Variants in CELF2 observed in about 807,000 individuals in gnomAD.
The protein encoded by CELF2 is CUG triplet repeat RNA-binding protein 2.
A neutral mutation model predicts 62.6 loss-of-function variants in CELF2; 8 were observed. That is an observed-to-expected ratio of 0.13 (90% confidence interval 0.07 to 0.23). The LOEUF (loss-of-function observed/expected upper bound fraction) is 0.23. Ranked by LOEUF, CELF2 falls within the 10% of genes least tolerant of loss-of-function variation. The pLI is 1.00. For missense variants in CELF2, 333 were observed against 671.0 expected (o/e 0.50, Z 5.56); for synonymous variants, 258 against 250.0 (o/e 1.03, Z -0.30).
the CELF2 span, among the ~76,000 whole-genome samples, chr10:10,709,683 C>G: frequency 6.6e-6 from 1 of 152,178 alleles, no homozygotes; most frequent in African/African-American, 2.4e-5. Flanking sequence ...TTTCTGATCA[C>G]TGTTTAACAG....
chr10:11,187,900 C>G (rs937396794), intron 2 of CELF2, among the ~76,000 whole-genome samples: 2 of 152,222 alleles, frequency 1.3e-5, no homozygotes, highest in Admixed American at 1.3e-4. Context: ...AAAACTATCT[C>G]GCCTGTTTAT....
At chr10:10,463,987 T>C in the CELF2 span, among the ~76,000 whole-genome samples, 1 of 152,032 alleles carries the variant, frequency 6.6e-6, no homozygotes, top group Non-Finnish European at 1.5e-5. Context: ...CTATGGATTT[T>C]GAAGGTTGTA....
chr10:11,098,271 C>G lies in CELF2; in HGVS notation c.75-67215C>G, dbSNP rs1888187. ...TGTGCTGTGAGCAGCGACGGGCACC[C>G]AGCAGCCCTCGCCTTGTCTTCCTGC... On this transcript the variant is annotated intron_variant, in intron 1 of 12. Coordinates refer to ENST00000633077, the MANE Select transcript of CELF2 (RefSeq NM_001326342.2). This position sits in a 1 kb window ranked among gnomAD's most constrained non-coding sequence, Gnocchi z 4.0. The G allele has an allele frequency of 6.6e-6, 1 of 152,024 alleles. No homozygotes were observed. The highest frequency in any genetic ancestry group is 1.5e-5 in the Non-Finnish European group (1 of 68,090). 9.4% of individuals were successfully genotyped at this position (152,024 alleles called of 1,614,324 possible).
intron 2 of CELF2, among the ~76,000 whole-genome samples, chr10:11,200,564 A>G (rs1565256143): frequency 1.3e-5 from 2 of 152,248 alleles, no homozygotes; most frequent in Non-Finnish European, 2.9e-5. Flanking sequence ...CTTAAATGCC[A>G]CTTGCTGGCT....
At position 11,280,603 on chromosome 10, in the gene CELF2, TCG is replaced by T. The variant is rs2088088904; in HGVS notation, c.841+5485_841+5486del. ...GGCCAAGACAGTCCCCACGCTCTTCTCGCCCCGGGTTATTACTGTGGTGTGAC... is the reference window on the plus strand; with the variant it reads ...GGCCAAGACAGTCCCCACGCTCTTCTCCCCGGGTTATTACTGTGGTGTGAC... On this transcript the variant is annotated intron_variant, in intron 8 of 12. Transcript: ENST00000633077. This position sits in a 1 kb window ranked among gnomAD's most constrained non-coding sequence, Gnocchi z 7.6. Among the ~76,000 whole-genome samples, 1 of 152,184 alleles carries T rather than the reference TCG, an allele frequency of 6.6e-6. No individual in the cohort carries two copies. Among genetic ancestry groups the T allele is most frequent in the South Asian group, 2.1e-4 (1 of 4,824 alleles).
chr10:10,689,249 G>A, the CELF2 span, among the ~76,000 whole-genome samples: 1 of 152,090 alleles, frequency 6.6e-6, no homozygotes, highest in African/African-American at 2.4e-5. Flanking sequence ...GGAGGGGGAA[G>A]CAAGGACCTT....
At chr10:11,018,310 A>C (rs1276554137) in intron 1 of CELF2, 147 bp downstream of exon 1, 2 of 553,030 alleles carry the variant, frequency 3.6e-6, no homozygotes, top group Non-Finnish European at 2.7e-6. Context: ...GGAGGCCGGC[A>C]CGGGACGCGG....
chr10:10,553,277 A>G, the CELF2 span, among the ~76,000 whole-genome samples: 1 of 152,136 alleles, frequency 6.6e-6, no homozygotes, highest in African/African-American at 2.4e-5. Flanking sequence ...CCTGGATTCA[A>G]TTACCTGCCA....
At chr10:10,634,175 T>G in the CELF2 span, among the ~76,000 whole-genome samples, 1 of 152,130 alleles carries the variant, frequency 6.6e-6, no homozygotes, top group East Asian at 1.9e-4. Flanking sequence ...ATGCTATGTT[T>G]TTCTATCCAT....
the CELF2 span, among the ~76,000 whole-genome samples, chr10:10,514,723 T>C: frequency 6.3e-3 from 962 of 152,254 alleles, 10 homozygotes; most frequent in African/African-American, 0.022. Flanking sequence ...CTCTAGAGAT[T>C]TAAGACATTT....
At chr10:10,774,616 A>G in the CELF2 span, among the ~76,000 whole-genome samples, 22 of 152,176 alleles carry the variant, frequency 1.4e-4, no homozygotes, top group Non-Finnish European at 2.1e-4. Flanking sequence ...TAAGTTTCCC[A>G]TGGCCTCCTC....
chr10:10,790,175 C>T, the CELF2 span, among the ~76,000 whole-genome samples: 2 of 151,924 alleles, frequency 1.3e-5, no homozygotes, highest in African/African-American at 4.8e-5. Context: ...AGTAATTATT[C>T]CAATTTCTCT....
At chr10:10,697,990 A>T in the CELF2 span, among the ~76,000 whole-genome samples, 2 of 152,040 alleles carry the variant, frequency 1.3e-5, no homozygotes, top group Non-Finnish European at 2.9e-5. Context: ...ACAGGGTTTT[A>T]CCATGTTTGG....
At chr10:10,637,914 G>A in the CELF2 span, among the ~76,000 whole-genome samples, 1 of 152,160 alleles carries the variant, frequency 6.6e-6, no homozygotes, top group South Asian at 2.1e-4. Flanking sequence ...AAGGTTCAGT[G>A]ATAGTTAAAA....
At chr10:10,848,278 G>A (rs535572322) in intron 1 of CELF2, among the ~76,000 whole-genome samples, 1 of 152,274 alleles carries the variant, frequency 6.6e-6, no homozygotes, top group East Asian at 1.9e-4. Flanking sequence ...TTGACTTAGG[G>A]AGTAGAGCTA....
intron 1 of CELF2, among the ~76,000 whole-genome samples, chr10:11,079,461 G>A (rs2073252606): frequency 6.6e-6 from 1 of 152,128 alleles, no homozygotes; most frequent in Non-Finnish European, 1.5e-5. Context: ...TCAAGGGTGG[G>A]ACTAGGTGAA....
chr10:10,907,119 A>G (rs1464744492), intron 1 of CELF2, among the ~76,000 whole-genome samples: 5 of 152,288 alleles, frequency 3.3e-5, no homozygotes, highest in African/African-American at 1.2e-4. Flanking sequence ...GCAAACGCAC[A>G]CACACACACA....
the CELF2 span, among the ~76,000 whole-genome samples, chr10:10,615,844 A>C: frequency 6.6e-6 from 1 of 152,132 alleles, no homozygotes; most frequent in Non-Finnish European, 1.5e-5. Context: ...TTTCTTTAAA[A>C]ATTACCCAGT....
chr10:11,202,951 C>CTCTG (rs1338089859), intron 2 of CELF2, among the ~76,000 whole-genome samples: 98 of 53,840 alleles, frequency 1.8e-3, no homozygotes, highest in East Asian at 9.6e-3. Flanking sequence ...CTCTCTCTCT[C>CTCTG]TGTGTGTGTG....
Sources: gnomAD v4.1 joint callset for allele counts (sites outside exome capture counted in the v4.1 genomes callset) on GRCh38, gnomAD v4.1.1 for gene constraint, Gnocchi (gnomAD v3.1) non-coding constraint, MANE v1.5 for transcripts, NCBI Gene and HGNC (gene_info 2026-07-23, HGNC 2026-07-21) for gene names.